Variants in ZNF700 observed in about 807,000 individuals in gnomAD.
The protein encoded by ZNF700 is zinc finger protein 700.
ZNF700 carries 38 observed loss-of-function variants against 65.3 expected under a neutral mutation model. That is an observed-to-expected ratio of 0.58 (90% confidence interval 0.45 to 0.76). The LOEUF (loss-of-function observed/expected upper bound fraction) is 0.76. ZNF700 is among the 30% of genes least tolerant of loss of function. The probability of loss-of-function intolerance (pLI) is 0.00; values close to 1 mark genes in which losing one functional copy is unlikely to be tolerated. For synonymous variants in ZNF700, 285 were observed against 290.4 expected (o/e 0.98, Z 0.19); for missense variants, 857 against 888.4 (o/e 0.96, Z 0.45).
At chr19:11,941,624 T>A (rs1025199251) in intron 1 of ZNF700, among the ~76,000 whole-genome samples, 2 of 152,040 alleles carry the variant, frequency 1.3e-5, no homozygotes, top group African/African-American at 4.8e-5. Flanking sequence ...CACCCAGAAC[T>A]CCAGCTGGCC....
At position 11,948,653 on chromosome 19, in the gene ZNF700, G is replaced by A. The variant is rs375165208; in HGVS notation, c.629G>A (p.Arg210Gln). The A allele has an allele frequency of 2.2e-5, 35 of 1,611,288 alleles. No individual in the cohort carries two copies. The African/African-American group carries it at 3.2e-4, about 15-fold the overall frequency. ...GKTFIFHSSIRRHMVMHSGDG... is the reference protein window; with the variant it reads ...GKTFIFHSSIQRHMVMHSGDG... Reference sequence around the variant, plus strand: ...ACCTTTATTTTCCATTCAAGCATTCGAAGACACATGGTAATGCACAGTGGG... The same window carrying A: ...ACCTTTATTTTCCATTCAAGCATTCAAAGACACATGGTAATGCACAGTGGG... The change falls in exon 4 of 4, where the codon CGA becomes CAA. Residue 210 changes from arginine to glutamine, a missense_variant. Arg to Gln is a conservative substitution (Grantham distance 43, BLOSUM62 1). Around this residue, in one of 3 missense-constraint regions of ZNF700, gnomAD observed 603 missense variants for 619.9 expected, o/e 0.97. Transcript: ENST00000254321.
Position 11,948,839 on chromosome 19 carries a change from A to T in ZNF700, c.815A>T (p.His272Leu), listed in dbSNP as rs1018519072. ...ACCCTTCAAATACATGAAAGAACTC[A>T]CACTGGGGAGAAGCCCTATGAATGT... is the stretch of plus-strand genomic sequence containing the variant. ...SATLQIHERTHTGEKPYECSK... is the reference protein window; with the variant it reads ...SATLQIHERTLTGEKPYECSK... The change falls in exon 4 of 4, where the codon CAC becomes CTC. Residue 272 changes from histidine (H) to leucine (L), a missense_variant. By Grantham distance (99) the His-to-Leu change is moderately conservative. Transcript: ENST00000254321. The T allele has an allele frequency of 6.2e-7, 1 of 1,609,028 alleles. No homozygotes were observed. The highest frequency in any genetic ancestry group is 1.3e-5 in the African/African-American group (1 of 74,428).
At chr19:11,937,919 C>T (rs1170226985) in intron 1 of ZNF700, among the ~76,000 whole-genome samples, 1 of 152,082 alleles carries the variant, frequency 6.6e-6, no homozygotes, top group African/African-American at 2.4e-5. Context: ...TTTTGAATTG[C>T]AGATGTGTGA....
At position 11,949,549 on chromosome 19, in the gene ZNF700, A is replaced by C; in HGVS notation, c.1525A>C (p.Lys509Gln). 1 of 1,611,380 alleles carries C rather than the reference A, an allele frequency of 6.2e-7. No homozygotes were observed. The highest frequency in any genetic ancestry group is 1.3e-5 in the African/African-American group (1 of 74,554). The change falls in exon 4 of 4, where the codon AAA (lysine) becomes CAA (glutamine). Residue 509 changes from lysine (K) to glutamine (Q), a missense_variant. Physicochemically the swap from Lys to Gln is moderately conservative, Grantham distance 53. Coordinates refer to ENST00000254321, the MANE Select transcript of ZNF700 (RefSeq NM_144566.3). ...IRMPSGERPY[K>Q]CSICEKGFYS... ...AATGCCCTCTGGAGAAAGACCTTAT[A>C]AATGTAGTATATGTGAGAAAGGCTT...
chr19:11,931,208 A>G (rs1340930746), intron 1 of ZNF700, among the ~76,000 whole-genome samples: 1 of 147,812 alleles, frequency 6.8e-6, no homozygotes, highest in African/African-American at 2.7e-5. Context: ...AAGAATAAAC[A>G]TTTATTTCTG....
In ZNF700 at chr19:11,937,833, A is replaced by G. The variant is rs117215146; in HGVS notation, c.64-9348A>G. Among the ~76,000 whole-genome samples the G allele has an allele frequency of 3.8e-4, 58 of 152,124 alleles. No homozygotes were observed. The East Asian group carries it at 0.011, about 28-fold the overall frequency. The stretch of plus-strand genomic sequence containing the variant: ...TTGTGCCTCTCTGTCATCTTATGGA[A>G]TCTTCTCTTGTATAGTTCATTGAGT... On this transcript the variant is annotated intron_variant, in intron 1 of 3. Coordinates refer to ENST00000254321, the MANE Select transcript of ZNF700 (RefSeq NM_144566.3).
chr19:11,948,960 A>G lies in ZNF700; in HGVS notation c.936A>G (p.Gly312=). The G allele has an allele frequency of 6.2e-7, 1 of 1,608,322 alleles. No homozygotes were observed. Among genetic ancestry groups the G allele is most frequent in the African/African-American group, 1.3e-5 (1 of 74,598 alleles). Reference sequence around the variant, plus strand: ...AGCCTTATCAATGCAAAGAATGTGGAAAAGCATTTGCATATACCAGTTCTC... The same window carrying G: ...AGCCTTATCAATGCAAAGAATGTGGGAAAGCATTTGCATATACCAGTTCTC... ...GEKPYQCKEC[G]KAFAYTSSLR... The change falls in exon 4 of 4, where the codon GGA becomes GGG. Residue 312 remains glycine, a synonymous_variant. Coordinates refer to ENST00000254321, the MANE Select transcript of ZNF700 (RefSeq NM_144566.3).
intron 1 of ZNF700, among the ~76,000 whole-genome samples, chr19:11,935,438 T>C (rs918963002): frequency 6.6e-6 from 1 of 151,910 alleles, no homozygotes; most frequent in Non-Finnish European, 1.5e-5. Flanking sequence ...GGTTTCACCA[T>C]GTTAGGCTGA....
Position 11,950,636 on chromosome 19 carries a change from A to G in ZNF700, c.*383A>G, listed in dbSNP as rs888318427. Reference sequence around the variant, plus strand: ...TCTATGAATGTAAGCAGTATGGGAAAGCCTTCAGATCTGCCAAGATTCTTT... The same window carrying G: ...TCTATGAATGTAAGCAGTATGGGAAGGCCTTCAGATCTGCCAAGATTCTTT... On this transcript the variant is annotated 3_prime_UTR_variant, in exon 4 of 4. Coordinates refer to ENST00000254321, the MANE Select transcript of ZNF700 (RefSeq NM_144566.3). 2 of 373,012 alleles carry G rather than the reference A, an allele frequency of 5.4e-6. No individual in the cohort carries two copies. The highest frequency in any genetic ancestry group is 1.1e-5 in the Non-Finnish European group (2 of 189,820). 23.1% of individuals were successfully genotyped at this position (373,012 alleles called of 1,614,324 possible). A position where few individuals can be genotyped will look rare whatever the true frequency, so the allele number is the denominator to read the frequency against.
intron 1 of ZNF700, among the ~76,000 whole-genome samples, chr19:11,939,440 A>T (rs1185530471): frequency 6.6e-6 from 1 of 152,222 alleles, no homozygotes; most frequent in Admixed American, 6.5e-5. Context: ...AGCTTTCTAC[A>T]TATGGCTAGC....
chr19:11,926,233 C>G (rs1010134677), intron 1 of ZNF700, among the ~76,000 whole-genome samples: 1 of 152,164 alleles, frequency 6.6e-6, no homozygotes, highest in African/African-American at 2.4e-5. Flanking sequence ...TTGCCACAAG[C>G]AGTCTGTTTT....
chr19:11,935,281 G>C (rs113452479), intron 1 of ZNF700, among the ~76,000 whole-genome samples: 1,557 of 127,660 alleles, frequency 0.012, 13 homozygotes, highest in Non-Finnish European at 0.017. Flanking sequence ...CTGTTGCCCA[G>C]TCTGGAGTGC....
Position 11,947,183 on chromosome 19 carries a change from C to A in ZNF700, c.66C>A (p.Asp22Glu), listed in dbSNP as rs1174274728. The change falls in exon 2 of 4, where the codon GAC (aspartate) becomes GAA (glutamate). Residue 22 changes from aspartate to glutamate, a missense_variant and splice_region_variant. By Grantham distance (45) the Asp-to-Glu change is conservative. This residue lies in a region of ZNF700 where 603 missense variants were observed against 619.9 expected (regional missense o/e 0.97). Transcript: ENST00000254321. ...TCTACACATGTGAGATGTTTCAGGA[C>A]CCAGTGGCCTTTGAGGATGTGGCTG... ...DPGTSESREM[D>E]PVAFEDVAVN... 2 of 1,613,730 alleles carry A rather than the reference C, an allele frequency of 1.2e-6. No individual in the cohort carries two copies. The highest frequency in any genetic ancestry group is 4.5e-5 in the East Asian group (2 of 44,876).
At position 11,948,517 on chromosome 19, in the gene ZNF700, A is replaced by G. The variant is rs745315976; in HGVS notation, c.493A>G (p.Lys165Glu). 6.2e-7 allele frequency: 1 copy of G among 1,612,210 alleles called. No individual in the cohort carries two copies. The highest frequency in any genetic ancestry group is 8.5e-7 in the Non-Finnish European group (1 of 1,179,664). Residue 165 changes from lysine (K) to glutamate (E), a missense_variant, in exon 4 of 4, where the codon AAG becomes GAG. Transcript: ENST00000254321. The stretch of plus-strand genomic sequence containing the variant: ...TCAGGAATATGGACCAAAGCCATAT[A>G]AGTGTCAACAACCTAAAAATAAGAA... ...EYQEYGPKPY[K>E]CQQPKNKKAF... is the part of the protein sequence containing the mutation.
chr19:11,927,369 A>G (rs1972645382), intron 1 of ZNF700, among the ~76,000 whole-genome samples: 1 of 151,772 alleles, frequency 6.6e-6, no homozygotes, highest in East Asian at 1.9e-4. Flanking sequence ...ACCAAAACAA[A>G]CAGGAAAGAG....
chr19:11,925,515 CCT>C lies in ZNF700; in HGVS notation c.63+247_63+248del, dbSNP rs372580651. Among the ~76,000 whole-genome samples the C allele has an allele frequency of 1.7e-3, 257 of 152,280 alleles. 7 individuals are homozygous for C. The South Asian group carries it at 0.019, about 11-fold the overall frequency. Reference sequence around the variant, plus strand: ...GCGGCCGCGGCCCCTGCCCCGGAGCCCTCTCTGGGCAGTTCCGCTCCCGCAGC... The same window carrying C: ...GCGGCCGCGGCCCCTGCCCCGGAGCCCTCTGGGCAGTTCCGCTCCCGCAGC... On this transcript the variant is annotated intron_variant, in intron 1 of 3. Transcript: ENST00000254321.
chr19:11,925,817 G>A (rs1437570858), intron 1 of ZNF700, among the ~76,000 whole-genome samples: 1 of 152,222 alleles, frequency 6.6e-6, no homozygotes, highest in African/African-American at 2.4e-5. Context: ...AGCCGAATAG[G>A]AGAGACCTTG....
rs1568297894 is a variant in ZNF700 at position 11,948,938 on chromosome 19, C to T, written c.914C>T (p.Pro305Leu). The change falls in exon 4 of 4, where the codon CCT becomes CTT. Residue 305 changes from proline (P) to leucine (L), a missense_variant. Around this residue, in one of 3 missense-constraint regions of ZNF700, gnomAD observed 603 missense variants for 619.9 expected, o/e 0.97. Coordinates refer to ENST00000254321, the MANE Select transcript of ZNF700 (RefSeq NM_144566.3). ...RHERSHMGEK[P>L]YQCKECGKAF... ...GAAAGAAGTCACATGGGAGAGAAGC[C>T]TTATCAATGCAAAGAATGTGGAAAA... is the stretch of plus-strand genomic sequence containing the variant. The T allele has an allele frequency of 1.9e-6, 3 of 1,608,214 alleles. No individual in the cohort carries two copies. Among genetic ancestry groups the T allele is most frequent in the Non-Finnish European group, 2.5e-6 (3 of 1,178,768 alleles).
intron 1 of ZNF700, among the ~76,000 whole-genome samples, chr19:11,937,306 T>C (rs1972810761): frequency 1.3e-5 from 2 of 152,238 alleles, no homozygotes; most frequent in South Asian, 4.1e-4. Flanking sequence ...AATCCAGGTG[T>C]TTCAGTACCA....
Sources: allele counts gnomAD v4.1 joint callset (sites outside exome capture counted in the v4.1 genomes callset), GRCh38; gene constraint gnomAD v4.1.1; regional missense constraint gnomAD v4.1.1; transcripts MANE v1.5; gene names NCBI Gene and HGNC (gene_info 2026-07-23, HGNC 2026-07-21).